Variants in GRIP1 observed in about 807,000 individuals in gnomAD.
GRIP1 encodes the protein glutamate receptor interacting protein 1, also known as glutamate receptor-interacting protein 1.
GRIP1 carries 45 observed loss-of-function variants against 129.9 expected under a neutral mutation model. That is an observed-to-expected ratio of 0.35 (90% CI 0.27 to 0.44). The LOEUF (loss-of-function observed/expected upper bound fraction) is 0.44. Ranked by LOEUF, GRIP1 falls within the 20% of genes least tolerant of loss-of-function variation. The pLI, the probability that GRIP1 is intolerant of heterozygous loss-of-function variation, is 1.00. For missense variants in GRIP1, 1,196 were observed against 1,396.8 expected, an observed-to-expected ratio of 0.86 and a Z score of 2.29; for synonymous variants, 530 against 520.8, an observed-to-expected ratio of 1.02 and a Z score of -0.24.
intron 1 of GRIP1, among the ~76,000 whole-genome samples, chr12:66,671,687 G>C (rs568311885): frequency 6.6e-6 from 1 of 152,096 alleles, no homozygotes; most frequent in East Asian, 1.9e-4. Context: ...GCTGCTTCTC[G>C]CCTCTCCTTC....
chr12:66,814,090 C>T (rs1331188237), intron 1 of GRIP1, among the ~76,000 whole-genome samples: 2 of 151,582 alleles, frequency 1.3e-5, no homozygotes, highest in African/African-American at 4.8e-5. Context: ...TGTGTATATA[C>T]TTTATATATA....
intron 2 of GRIP1, among the ~76,000 whole-genome samples, chr12:66,550,925 A>T (rs902462004): frequency 3.9e-5 from 6 of 152,202 alleles, no homozygotes; most frequent in Admixed American, 3.3e-4. Context: ...ATATCTCGGA[A>T]TCACACTTGC....
chr12:66,453,960 G>A (rs2138215137), intron 11 of GRIP1, among the ~76,000 whole-genome samples: 1 of 152,308 alleles, frequency 6.6e-6, no homozygotes, highest in Middle Eastern at 3.4e-3. Flanking sequence ...GACTCCAGGA[G>A]TACTTTGTTC....
At chr12:66,804,341 T>A (rs1048642981), upstream of GRIP1, among the ~76,000 whole-genome samples, 6 of 152,004 alleles carry the variant, frequency 3.9e-5, no homozygotes, top group Non-Finnish European at 8.8e-5. Flanking sequence ...CACGGCGACT[T>A]TGGCCATCGG....
At position 66,380,850 on chromosome 12, in the gene GRIP1, T is replaced by TGTGTG. The variant is rs761330291; in HGVS notation, c.2465-1415_2465-1414insCACAC. Reference sequence around the variant, plus strand: ...GTGACTTGTGTGTGTGCATGTGTATTTACATGGATGCGCTGGCTTGGAATA... The same window carrying TGTGTG: ...GTGACTTGTGTGTGTGCATGTGTATTGTGTGTACATGGATGCGCTGGCTTGGAATA... On this transcript the variant is annotated intron_variant, in intron 19 of 24. Transcript: ENST00000359742. Among the ~76,000 whole-genome samples, 108 of 152,296 alleles carry TGTGTG rather than the reference T, an allele frequency of 7.1e-4. 1 individual carries two copies. The highest frequency in any genetic ancestry group is 1.2e-3 in the Non-Finnish European group (80 of 68,036).
chr12:66,690,877 G>T (rs1418218537), intron 1 of GRIP1, among the ~76,000 whole-genome samples: 1 of 151,654 alleles, frequency 6.6e-6, no homozygotes, highest in Non-Finnish European at 1.5e-5. Flanking sequence ...AAGCTGCAGT[G>T]AGCTATGATC....
At chr12:66,715,471 TGAGAGAGAGAGAGAGA>T (rs71447469) in intron 1 of GRIP1, among the ~76,000 whole-genome samples, 17 of 110,136 alleles carry the variant, frequency 1.5e-4, no homozygotes, top group Non-Finnish European at 2.0e-4. Flanking sequence ...TGTGTGTGTG[TGAGAGAGAGAGAGAGA>T]GAGAGAGAGA....
intron 1 of GRIP1, among the ~76,000 whole-genome samples, chr12:66,884,483 AG>A (rs2040531609): frequency 6.6e-6 from 1 of 152,230 alleles, no homozygotes; most frequent in Non-Finnish European, 1.5e-5. Context: ...ACGCACGAAC[AG>A]GATGTAAAGG....
chr12:66,820,782 A>G (rs141032598), intron 1 of GRIP1, among the ~76,000 whole-genome samples: 63 of 152,218 alleles, frequency 4.1e-4, no homozygotes, highest in African/African-American at 1.1e-3. Context: ...TTCTAACTGT[A>G]TGACATTTGG....
intron 1 of GRIP1, among the ~76,000 whole-genome samples, chr12:66,966,851 G>A (rs553194024): frequency 1.1e-4 from 16 of 152,036 alleles, no homozygotes; most frequent in Non-Finnish European, 1.5e-4. Context: ...CCATAAAGTC[G>A]CTTCCTTGCC....
At chr12:66,533,887 ACT>A (rs71436010) in intron 4 of GRIP1, among the ~76,000 whole-genome samples, 10,426 of 147,886 alleles carry the variant, frequency 0.071, 452 homozygotes, top group East Asian at 0.15. Context: ...ACATACACAC[ACT>A]CTCTCTCTCT....
intron 1 of GRIP1, among the ~76,000 whole-genome samples, chr12:66,714,396 A>G (rs1469847284): frequency 1.3e-5 from 2 of 152,106 alleles, no homozygotes; most frequent in Non-Finnish European, 2.9e-5. Flanking sequence ...AGTGAAAAAT[A>G]TAAACTGGCA....
At chr12:66,371,557 T>C (rs2055497294) in intron 23 of GRIP1, 137 bp downstream of exon 23, 1 of 707,254 alleles carries the variant, frequency 1.4e-6, no homozygotes, top group South Asian at 1.5e-5. Flanking sequence ...ACAAAGTCTC[T>C]GAAGATCTGT....
intron 1 of GRIP1, among the ~76,000 whole-genome samples, chr12:66,785,339 C>CATAT (rs1242812457): frequency 2.0e-3 from 74 of 36,440 alleles, no homozygotes; most frequent in East Asian, 9.3e-3. Flanking sequence ...TACATACATA[C>CATAT]ATACATATAT....
At chr12:66,516,465 T>C (rs965282468) in intron 6 of GRIP1, among the ~76,000 whole-genome samples, 2 of 152,062 alleles carry the variant, frequency 1.3e-5, no homozygotes, top group African/African-American at 4.8e-5. Flanking sequence ...GATTATATGT[T>C]TAGGATTTGG....
chr12:66,522,397 C>T (rs61925958), intron 5 of GRIP1, among the ~76,000 whole-genome samples: 72,081 of 152,068 alleles, frequency 0.47, 17,341 homozygotes, highest in African/African-American at 0.56. Context: ...TGTTCTGCGG[C>T]CACCGCTGCT....
intron 1 of GRIP1, among the ~76,000 whole-genome samples, chr12:66,622,458 G>A (rs2065316421): frequency 6.6e-6 from 1 of 152,054 alleles, no homozygotes; most frequent in East Asian, 1.9e-4. Context: ...AAAGATAATT[G>A]AGATGCTGGA....
At chr12:66,380,966 G>A (rs557318217) in intron 19 of GRIP1, among the ~76,000 whole-genome samples, 28 of 152,262 alleles carry the variant, frequency 1.8e-4, no homozygotes, top group South Asian at 6.2e-4. Context: ...GCCTGATTGC[G>A]TAAGATGATT....
chr12:66,745,217 T>C, intron 1 of GRIP1, among the ~76,000 whole-genome samples: 1 of 152,080 alleles, frequency 6.6e-6, no homozygotes, highest in African/African-American at 2.4e-5. Flanking sequence ...GAATCAGCAT[T>C]TAGGAATGGT....
Sources: gnomAD v4.1 joint callset for allele counts (sites outside exome capture counted in the v4.1 genomes callset) on GRCh38, gnomAD v4.1.1 for gene constraint, MANE v1.5 for transcripts, NCBI Gene and HGNC (gene_info 2026-07-23, HGNC 2026-07-21) for gene names.